Variants in SBF2 observed in about 807,000 individuals in gnomAD.
The protein encoded by SBF2 is myotubularin-related protein 13.
SBF2 carries 112 observed loss-of-function variants against 225.2 expected under a neutral mutation model. The observed-to-expected ratio is 0.50, with a 90% CI of 0.43 to 0.58. SBF2 has a LOEUF of 0.58. SBF2 is among the 20% of genes least tolerant of loss of function. SBF2 has a pLI of 0.00. For synonymous variants in SBF2, 763 were observed against 773.3 expected, an observed-to-expected ratio of 0.99 and a Z score of 0.22; for missense variants, 1,996 against 2,206.2, an observed-to-expected ratio of 0.90 and a Z score of 1.91.
intron 13 of SBF2, among the ~76,000 whole-genome samples, chr11:9,979,154 A>T (rs1490545366): frequency 6.6e-6 from 1 of 152,222 alleles, no homozygotes; most frequent in Non-Finnish European, 1.5e-5. Context: ...CTTAAGAGTC[A>T]TATGATTCTG....
chr11:9,870,389 A>C (rs545400479), intron 17 of SBF2, among the ~76,000 whole-genome samples: 44 of 152,334 alleles, frequency 2.9e-4, no homozygotes, highest in Non-Finnish European at 4.7e-4. Flanking sequence ...AAGAGCCTGA[A>C]TAGCTAAGAT....
intron 2 of SBF2, among the ~76,000 whole-genome samples, chr11:10,051,250 AG>A (rs1950052011): frequency 6.6e-6 from 1 of 152,132 alleles, no homozygotes; most frequent in Admixed American, 6.6e-5. Context: ...CTTTTTAAAA[AG>A]CCTGTAAGAA....
chr11:9,861,230 G>A (rs540849249), intron 17 of SBF2, among the ~76,000 whole-genome samples: 2 of 152,076 alleles, frequency 1.3e-5, no homozygotes, highest in Admixed American at 1.3e-4. Flanking sequence ...TGGAGACAGG[G>A]TCTCACTCTG....
At chr11:9,963,348 C>T (rs1295150433) in intron 15 of SBF2, among the ~76,000 whole-genome samples, 2 of 152,062 alleles carry the variant, frequency 1.3e-5, no homozygotes, top group Non-Finnish European at 2.9e-5. Context: ...GCCTGTAGTC[C>T]CAGCTACTTG....
At chr11:9,900,637 T>C (rs748531143) in intron 16 of SBF2, among the ~76,000 whole-genome samples, 4 of 152,212 alleles carry the variant, frequency 2.6e-5, no homozygotes, top group South Asian at 2.1e-4. Flanking sequence ...CACCCTTCTA[T>C]AGAAGTAACT....
rs186092347 is a variant in SBF2 at position 10,252,111 on chromosome 11, C to A, written c.55+41904G>T. Among the ~76,000 whole-genome samples the A allele has an allele frequency of 5.2e-3, 789 of 152,334 alleles. 8 individuals are homozygous for A. Among genetic ancestry groups the A allele is most frequent in the Non-Finnish European group, 8.2e-3 (555 of 68,016 alleles). On this transcript the variant is annotated intron_variant, in intron 1 of 39. Coordinates refer to ENST00000256190, the MANE Select transcript of SBF2 (RefSeq NM_030962.4). ...CCAGGTTCTGTTTGCCTCCTGTAAA[C>A]AGGATGTTCCAGCATAAGGAGGTAC...
intron 1 of SBF2, among the ~76,000 whole-genome samples, chr11:10,269,018 A>G (rs1370322851): frequency 6.6e-6 from 1 of 152,056 alleles, no homozygotes; most frequent in East Asian, 1.9e-4. Context: ...TTTTTTCCTA[A>G]TTAAAATCTC....
rs1555006975 is a variant in SBF2, at chr11:10,063,858, CAG to C, written c.142-20879_142-20878del. Among the ~76,000 whole-genome samples, 220 of 136,134 alleles carry C rather than the reference CAG, an allele frequency of 1.6e-3. 2 individuals are homozygous for C. Among genetic ancestry groups the C allele is most frequent in the African/African-American group, 3.8e-3 (142 of 37,040 alleles). 89.3% of individuals were successfully genotyped at this position (136,134 alleles called of 152,430 possible). On this transcript the variant is annotated intron_variant, in intron 2 of 39. Transcript: ENST00000256190. The stretch of plus-strand genomic sequence containing the variant: ...ACACACACACACACACACACACACA[CAG>C]AGAGAGAGAGAGAGAGAGAGAAAAC...
intron 2 of SBF2, among the ~76,000 whole-genome samples, chr11:10,088,164 T>C (rs1287410826): frequency 1.3e-5 from 2 of 151,804 alleles, no homozygotes; most frequent in African/African-American, 4.8e-5. Flanking sequence ...GCTGAGACTA[T>C]AGGTGCACAC....
intron 17 of SBF2, among the ~76,000 whole-genome samples, chr11:9,891,157 T>C (rs1171834846): frequency 1.3e-5 from 2 of 151,500 alleles, no homozygotes; most frequent in Non-Finnish European, 2.9e-5. Context: ...AAAAGTTAAA[T>C]GGTGGCTTGT....
chr11:9,924,696 T>C (rs1321999269), intron 16 of SBF2, among the ~76,000 whole-genome samples: 1 of 152,088 alleles, frequency 6.6e-6, no homozygotes, highest in Non-Finnish European at 1.5e-5. Context: ...CCTCCCAAAG[T>C]GCTGGGATTA....
Position 9,856,736 on chromosome 11 carries a change from A to G in SBF2, c.2101-16T>C, listed in dbSNP as rs375359427. ...GAAGCTTATCCTAAAAAATAAAGCAACACAATCCAAAAGAGAACCATCACT... is the reference window on the plus strand; with the variant it reads ...GAAGCTTATCCTAAAAAATAAAGCAGCACAATCCAAAAGAGAACCATCACT... On this transcript the variant is annotated splice_polypyrimidine_tract_variant and intron_variant, in intron 18 of 39. Coordinates refer to ENST00000256190, the MANE Select transcript of SBF2 (RefSeq NM_030962.4). 2 of 1,611,700 alleles carry G rather than the reference A, an allele frequency of 1.2e-6. No homozygotes were observed. Among genetic ancestry groups the G allele is most frequent in the Non-Finnish European group, 1.7e-6 (2 of 1,179,108 alleles).
In SBF2 at chr11:9,824,658, T is replaced by G. The variant is rs1472011364; in HGVS notation, c.3793+4698A>C. 6.6e-5 allele frequency among the ~76,000 whole-genome samples: 10 copies of G among 152,258 alleles called. No homozygotes were observed. In the East Asian group the frequency reaches 1.9e-3, roughly 29 times the overall value. On this transcript the variant is annotated intron_variant, in intron 28 of 39. Coordinates refer to ENST00000256190, the MANE Select transcript of SBF2 (RefSeq NM_030962.4). ...GAGGAGACAACTGTGCAGCTACAAT[T>G]TATATTATAGGCCACCTGGCCAAAT...
At chr11:10,262,101 G>GA (rs1215186193) in intron 1 of SBF2, among the ~76,000 whole-genome samples, 3 of 149,942 alleles carry the variant, frequency 2.0e-5, no homozygotes, top group African/African-American at 4.9e-5. Flanking sequence ...TGCATCAAAA[G>GA]AAAAAAAAAG....
At chr11:10,113,854 A>G (rs1339463836) in intron 2 of SBF2, among the ~76,000 whole-genome samples, 1 of 151,634 alleles carries the variant, frequency 6.6e-6, no homozygotes, top group Non-Finnish European at 1.5e-5. Context: ...GTTCCTTAAG[A>G]TTTTCTATTT....
chr11:10,252,939 T>A (rs1345805242), intron 1 of SBF2, among the ~76,000 whole-genome samples: 2 of 152,074 alleles, frequency 1.3e-5, no homozygotes, highest in African/African-American at 2.4e-5. Flanking sequence ...TCTATAAATC[T>A]TCTTCCACCA....
chr11:10,195,610 A>G (rs961766060), intron 1 of SBF2, among the ~76,000 whole-genome samples: 17 of 152,094 alleles, frequency 1.1e-4, no homozygotes, highest in African/African-American at 3.6e-4. Flanking sequence ...TCTCAACCTC[A>G]TCTCTATGAA....
At chr11:10,063,017 A>G (rs560644330) in intron 2 of SBF2, among the ~76,000 whole-genome samples, 1 of 152,332 alleles carries the variant, frequency 6.6e-6, no homozygotes, top group East Asian at 1.9e-4. Context: ...ATAAAAAAGA[A>G]AGAGATCATG....
At chr11:9,833,821 AGTGCAATGGC>A (rs1855567167) in intron 26 of SBF2, among the ~76,000 whole-genome samples, 1 of 138,898 alleles carries the variant, frequency 7.2e-6, no homozygotes, top group Admixed American at 7.8e-5. Context: ...CCCAGGCTGG[AGTGCAATGGC>A]GTGATCTCAG....
Sources: allele counts gnomAD v4.1 joint callset (sites outside exome capture counted in the v4.1 genomes callset), GRCh38; gene constraint gnomAD v4.1.1; transcripts MANE v1.5; gene names NCBI Gene and HGNC (gene_info 2026-07-23, HGNC 2026-07-21).